The following GARNL3 variants were observed in gnomAD, a reference collection of about 807,000 sequenced individuals.
GARNL3 encodes GTPase-activating Rap/Ran-GAP domain-like protein 3.
A neutral mutation model predicts 125.0 loss-of-function variants in GARNL3; 63 were observed. The ratio of observed to expected loss-of-function variants is 0.50; its 90% confidence interval spans 0.41 to 0.62. GARNL3 has a LOEUF of 0.62. GARNL3 is among the 20% of genes least tolerant of loss of function. The pLI, the probability that GARNL3 is intolerant of heterozygous loss-of-function variation, is 0.00. For synonymous variants in GARNL3, 439 were observed against 457.5 expected (o/e 0.96, Z 0.52); for missense variants, 994 against 1,244.0 (o/e 0.80, Z 3.02).
At chr9:127,299,760 C>G (rs190348792) in intron 2 of GARNL3, among the ~76,000 whole-genome samples, 3 of 152,006 alleles carry the variant, frequency 2.0e-5, no homozygotes, top group Admixed American at 2.0e-4. Context: ...TAGTAGAGAC[C>G]GGTTTCACCA....
rs370863618 is a variant in GARNL3 at position 127,285,506 on chromosome 9, C to T, written c.145-5662C>T. On this transcript the variant is annotated intron_variant, in intron 1 of 27. Coordinates refer to ENST00000373387, the MANE Select transcript of GARNL3 (RefSeq NM_032293.5). ...TGTATTCTCTGTACCTTGATACAGT[C>T]CATATATGTCTATTAAATCATGTTT... Among the ~76,000 whole-genome samples, 9 of 152,114 alleles carry T rather than the reference C, an allele frequency of 5.9e-5. No homozygotes were observed. The East Asian group carries it at 7.7e-4, about 13-fold the overall frequency.
chr9:127,258,378 G>A (rs1188970313), intron 2 of GARNL3, among the ~76,000 whole-genome samples: 7 of 152,154 alleles, frequency 4.6e-5, no homozygotes, highest in Non-Finnish European at 7.4e-5. Flanking sequence ...AGTGGCTCAC[G>A]CCTGTAATCC....
chr9:127,231,681 TG>T (rs1397336310), intron 1 of GARNL3, among the ~76,000 whole-genome samples: 1 of 152,234 alleles, frequency 6.6e-6, no homozygotes, highest in Non-Finnish European at 1.5e-5. Flanking sequence ...CAGCAGCATC[TG>T]CATTCCCTAA....
At chr9:127,312,398 G>T (rs1043120835) in intron 3 of GARNL3, among the ~76,000 whole-genome samples, 1 of 152,102 alleles carries the variant, frequency 6.6e-6, no homozygotes, top group African/African-American at 2.4e-5. Flanking sequence ...TATCTAGTAG[G>T]TTTGAATGGA....
At chr9:127,388,150 C>T (rs1187257201) in intron 25 of GARNL3, among the ~76,000 whole-genome samples, 1 of 151,218 alleles carries the variant, frequency 6.6e-6, no homozygotes, top group East Asian at 1.9e-4. Flanking sequence ...CCTGTCTCTA[C>T]AAAAACTAAA....
chr9:127,380,190 C>T (rs1017325170), intron 22 of GARNL3, among the ~76,000 whole-genome samples: 1 of 129,062 alleles, frequency 7.7e-6, no homozygotes, highest in Non-Finnish European at 1.6e-5. Flanking sequence ...AAGACTCTGT[C>T]TCAAAAAATA....
At chr9:127,330,738 C>T (rs1037413230) in intron 7 of GARNL3, among the ~76,000 whole-genome samples, 2 of 152,096 alleles carry the variant, frequency 1.3e-5, no homozygotes, top group Admixed American at 1.3e-4. Context: ...TGGAAATTGA[C>T]ACTTGAGCTG....
Position 127,384,552 on chromosome 9 carries a change from G to A in GARNL3, c.2270-475G>A, listed in dbSNP as rs1832441044. On this transcript the variant is annotated intron_variant, in intron 23 of 27. Transcript: ENST00000373387. The surrounding 1 kb of genome is among the most constrained non-coding windows in gnomAD (Gnocchi z 4.0). ...CAGTGAGGAATAAGATGCAGCCCCG[G>A]CTCAGACGTGCAGCTGGAGGAGCAC... 6.6e-6 allele frequency among the ~76,000 whole-genome samples: 1 copy of A among 152,194 alleles called. No individual in the cohort carries two copies. Among genetic ancestry groups the A allele is most frequent in the Admixed American group, 6.5e-5 (1 of 15,280 alleles).
intron 1 of GARNL3, among the ~76,000 whole-genome samples, chr9:127,231,035 C>CATATAT (rs200926096): frequency 0.012 from 657 of 55,772 alleles, 37 homozygotes; most frequent in African/African-American, 0.04. Context: ...TGTATATATA[C>CATATAT]ATATATATAT....
chr9:127,309,355 T>C (rs2065037503), intron 2 of GARNL3, among the ~76,000 whole-genome samples: 1 of 152,214 alleles, frequency 6.6e-6, no homozygotes, highest in Admixed American at 6.5e-5. Flanking sequence ...ATAAGGTTGA[T>C]GGGTGGTTCT....
chr9:127,325,006 G>T (rs2065523939), intron 6 of GARNL3, 63 bp from the exon 7 acceptor site: 1 of 1,494,260 alleles, frequency 6.7e-7, no homozygotes, highest in African/African-American at 1.4e-5. Context: ...GGCTTTCACA[G>T]CAAGTCAAAA....
rs1314375892 is a variant in GARNL3, at chr9:127,311,692, A to G, written c.276A>G (p.Pro92=). ...GAACAGACGTGCACTTAGAGAACCC[A>G]GAATACCACACCAGATGGTATTTCA... ...WRRTDVHLEN[P]EYHTRWYFKY... Residue 92 remains proline, a synonymous_variant, in exon 3 of 28, where the codon CCA becomes CCG. Coordinates refer to ENST00000373387, the MANE Select transcript of GARNL3 (RefSeq NM_032293.5). 4 of 1,613,838 alleles carry G rather than the reference A, an allele frequency of 2.5e-6. No individual in the cohort carries two copies. Among genetic ancestry groups the G allele is most frequent in the Non-Finnish European group, 3.4e-6 (4 of 1,179,782 alleles).
rs60448026 is a variant in GARNL3, at chr9:127,331,720, C to CTTTTTTT, written c.595-545_595-539dup. On this transcript the variant is annotated intron_variant, in intron 7 of 27. Coordinates refer to ENST00000373387, the MANE Select transcript of GARNL3 (RefSeq NM_032293.5). The stretch of plus-strand genomic sequence containing the variant: ...CTACTGCTTGCTTGGCTTGGGCTTG[C>CTTTTTTT]TTTTTTTTTTTTTTTCACATCTGTT... Among the ~76,000 whole-genome samples the CTTTTTTT allele has an allele frequency of 6.2e-3, 464 of 74,390 alleles. 34 individuals are homozygous for CTTTTTTT. The highest frequency in any genetic ancestry group is 0.021 in the African/African-American group (440 of 20,902). The allele number at this position is 74,390 out of a possible 152,430, so 48.8% of individuals were successfully genotyped here.
chr9:127,281,214 A>G (rs1398460248), intron 1 of GARNL3, among the ~76,000 whole-genome samples: 1 of 152,182 alleles, frequency 6.6e-6, no homozygotes, highest in Non-Finnish European at 1.5e-5. Flanking sequence ...ATGATGCCAC[A>G]GCTGTGCCAA....
At chr9:127,390,839 C>T in intron 27 of GARNL3, 72 bp downstream of exon 27, 1 of 1,486,470 alleles carries the variant, frequency 6.7e-7, no homozygotes, top group East Asian at 2.3e-5. Flanking sequence ...GAGGCCCCTT[C>T]TGGGGATTGA....
chr9:127,366,433 C>G (rs972148139), intron 22 of GARNL3, among the ~76,000 whole-genome samples: 1 of 152,184 alleles, frequency 6.6e-6, no homozygotes, highest in African/African-American at 2.4e-5. Flanking sequence ...GGGCCACTCT[C>G]CCACACCCCA....
chr9:127,316,841 C>T (rs927540315), intron 4 of GARNL3, among the ~76,000 whole-genome samples: 5 of 152,174 alleles, frequency 3.3e-5, no homozygotes, highest in African/African-American at 1.2e-4. Flanking sequence ...GCTCAAAGAA[C>T]TCCTCTCCCT....
chr9:127,249,720 C>G (rs1296917988), intron 2 of GARNL3, among the ~76,000 whole-genome samples: 2 of 151,862 alleles, frequency 1.3e-5, no homozygotes, highest in Non-Finnish European at 2.9e-5. Flanking sequence ...AGAAAGAATA[C>G]AAGAGGCCCA....
rs369247689 is a variant in GARNL3, at chr9:127,385,040, G to A, written c.2283G>A (p.Pro761=). 234 of 1,607,634 alleles carry A rather than the reference G, an allele frequency of 1.5e-4. No individual in the cohort carries two copies. Among genetic ancestry groups the A allele is most frequent in the South Asian group, 2.1e-4 (19 of 90,070 alleles). ...GTTCCCTTGCAGTCTGTGCTTTCCCGTATCTCCTGGCCTTCACCACCGACT... is the reference window on the plus strand; with the variant it reads ...GTTCCCTTGCAGTCTGTGCTTTCCCATATCTCCTGGCCTTCACCACCGACT... ...QAPYAIVCAF[P]YLLAFTTDSM... The change falls in exon 24 of 28, where the codon CCG becomes CCA. Residue 761 remains proline, a synonymous_variant. Coordinates refer to ENST00000373387, the MANE Select transcript of GARNL3 (RefSeq NM_032293.5). The surrounding 1 kb of genome is among the most constrained non-coding windows in gnomAD (Gnocchi z 4.1).
Sources: allele counts gnomAD v4.1 joint callset (sites outside exome capture counted in the v4.1 genomes callset), GRCh38; gene constraint gnomAD v4.1.1; non-coding constraint Gnocchi (gnomAD v3.1); transcripts MANE v1.5; gene names NCBI Gene and HGNC (gene_info 2026-07-23, HGNC 2026-07-21).